Variants in RORA observed in about 807,000 individuals in gnomAD.
RORA encodes nuclear receptor ROR-alpha.
RORA carries 7 observed loss-of-function variants against 69.5 expected under a neutral mutation model. That is an observed-to-expected ratio of 0.10 (90% CI 0.06 to 0.19). The LOEUF (loss-of-function observed/expected upper bound fraction) is 0.19. RORA is among the 10% of genes least tolerant of loss of function. The pLI is 1.00. For synonymous variants in RORA, 261 were observed against 240.8 expected (o/e 1.08, Z -0.78); for missense variants, 457 against 663.0 (o/e 0.69, Z 3.41).
intron 2 of RORA, among the ~76,000 whole-genome samples, chr15:60,588,872 C>T (rs1254673903): frequency 1.3e-5 from 2 of 152,138 alleles, no homozygotes; most frequent in Non-Finnish European, 2.9e-5. Flanking sequence ...TCTCAAGTAA[C>T]GTGATTGAAA....
chr15:60,770,198 G>A (rs554422892), intron 1 of RORA, among the ~76,000 whole-genome samples: 4 of 151,982 alleles, frequency 2.6e-5, no homozygotes, highest in South Asian at 2.1e-4. Flanking sequence ...AACTACAAAT[G>A]TTCAAAAAAG....
chr15:60,804,349 T>C (rs956214123), intron 1 of RORA, among the ~76,000 whole-genome samples: 2 of 151,282 alleles, frequency 1.3e-5, no homozygotes, highest in African/African-American at 4.9e-5. Flanking sequence ...GTGTTAGCTG[T>C]TATGTCATAG....
At chr15:60,946,996 C>T (rs1055275897) in intron 1 of RORA, among the ~76,000 whole-genome samples, 17 of 151,402 alleles carry the variant, frequency 1.1e-4, no homozygotes, top group African/African-American at 1.7e-4. Context: ...GTCCGGCAGC[C>T]GCCCCTTCCG....
At chr15:60,861,535 G>A (rs2073435773) in intron 1 of RORA, among the ~76,000 whole-genome samples, 2 of 152,138 alleles carry the variant, frequency 1.3e-5, no homozygotes, top group Admixed American at 1.3e-4. Flanking sequence ...TTGACTGATT[G>A]ATTGAGATGA....
rs2078697477 is a variant in RORA at position 61,090,976 on chromosome 15, T to C, written c.166+138077A>G. Among the ~76,000 whole-genome samples, 2 of 152,112 alleles carry C rather than the reference T, an allele frequency of 1.3e-5. 1 individual carries two copies. The highest frequency in any genetic ancestry group is 4.1e-4 in the South Asian group (2 of 4,826). Reference sequence around the variant, plus strand: ...CTGTCCCTGCTAATACCTAAAACAGTCCACTGTTCCATTTACACAGGCTTT... The same window carrying C: ...CTGTCCCTGCTAATACCTAAAACAGCCCACTGTTCCATTTACACAGGCTTT... On this transcript the variant is annotated intron_variant, in intron 1 of 10. Transcript: ENST00000335670.
At chr15:61,094,190 T>G (rs932253170) in intron 1 of RORA, among the ~76,000 whole-genome samples, 2 of 152,068 alleles carry the variant, frequency 1.3e-5, no homozygotes, top group Non-Finnish European at 2.9e-5. Context: ...TTTATGTGAG[T>G]GAACAAAAAT....
intron 1 of RORA, among the ~76,000 whole-genome samples, chr15:61,056,824 ACTT>A (rs1176452203): frequency 6.6e-6 from 1 of 152,214 alleles, no homozygotes; most frequent in African/African-American, 2.4e-5. Context: ...ACCAATCACT[ACTT>A]CTGCTGAGTA....
At chr15:61,205,080 C>G (rs762535709) in intron 1 of RORA, among the ~76,000 whole-genome samples, 5 of 152,220 alleles carry the variant, frequency 3.3e-5, no homozygotes, top group Non-Finnish European at 7.3e-5. Flanking sequence ...ACAAGGCTTT[C>G]TAACTCTTCT....
intron 2 of RORA, chr15:60,592,341 C>G (rs537801972): frequency 2.2e-6 from 3 of 1,350,718 alleles, no homozygotes; most frequent in Admixed American, 3.1e-5. Flanking sequence ...TCCCCGCCCC[C>G]CGGAGCCGCC....
At chr15:61,137,036 A>C (rs532648715) in intron 1 of RORA, among the ~76,000 whole-genome samples, 1 of 129,334 alleles carries the variant, frequency 7.7e-6, no homozygotes, top group African/African-American at 3.3e-5. Context: ...AGAAAGAAAG[A>C]AAGAAAGAAA....
chr15:61,071,612 G>GGGAGGGGAGA (rs1466267955), intron 1 of RORA, among the ~76,000 whole-genome samples: 4 of 28,444 alleles, frequency 1.4e-4, no homozygotes, highest in Non-Finnish European at 2.6e-4. Flanking sequence ...GGGAGGGGTG[G>GGGAGGGGAGA]GGAGGGGAGA....
chr15:61,158,723 C>T (rs1024824574), intron 1 of RORA, among the ~76,000 whole-genome samples: 1 of 152,098 alleles, frequency 6.6e-6, no homozygotes, highest in Admixed American at 6.5e-5. Flanking sequence ...TGGATTGTTG[C>T]GGGAGCTGTC....
At chr15:60,558,431 G>T in intron 2 of RORA, 1 of 599,162 alleles carries the variant, frequency 1.7e-6, no homozygotes. Context: ...TAATTTAATA[G>T]ATCTCATACA....
intron 1 of RORA, among the ~76,000 whole-genome samples, chr15:60,870,333 G>A (rs2140434922): frequency 6.6e-6 from 1 of 152,328 alleles, no homozygotes; most frequent in South Asian, 2.1e-4. Context: ...TGACCAGAGA[G>A]TGAAAAGTGC....
intron 1 of RORA, among the ~76,000 whole-genome samples, chr15:60,868,561 T>C (rs776633394): frequency 9.8e-5 from 15 of 152,336 alleles, no homozygotes; most frequent in Non-Finnish European, 1.9e-4. Context: ...GGACCAACCC[T>C]GCCTGTGTGG....
At chr15:60,583,975 G>T (rs188981610) in intron 2 of RORA, among the ~76,000 whole-genome samples, 50 of 152,258 alleles carry the variant, frequency 3.3e-4, no homozygotes, top group Admixed American at 2.9e-3. Context: ...TTGGAAGCAG[G>T]ATCTGTGCAG....
At chr15:61,027,829 C>T (rs554944199) in intron 1 of RORA, among the ~76,000 whole-genome samples, 3 of 152,102 alleles carry the variant, frequency 2.0e-5, no homozygotes, top group African/African-American at 7.2e-5. Flanking sequence ...TCTCAGTTTA[C>T]CAATCTGCAA....
intron 2 of RORA, among the ~76,000 whole-genome samples, chr15:60,556,432 G>A (rs186474336): frequency 5.9e-5 from 9 of 152,238 alleles, no homozygotes; most frequent in South Asian, 2.1e-4. Flanking sequence ...CTTCTATCCC[G>A]CCTTTTCTCT....
At chr15:61,195,927 A>G (rs1248367153) in intron 1 of RORA, 1 of 152,246 alleles carries the variant, frequency 6.6e-6, no homozygotes, top group Non-Finnish European at 1.5e-5. Context: ...CTTACTGAGC[A>G]CCTAATATGT....
Sources: allele counts gnomAD v4.1 joint callset (sites outside exome capture counted in the v4.1 genomes callset), GRCh38; gene constraint gnomAD v4.1.1; transcripts MANE v1.5; gene names NCBI Gene and HGNC (gene_info 2026-07-23, HGNC 2026-07-21).